Variants in C16orf92 observed in about 807,000 individuals in gnomAD.
The protein encoded by C16orf92 is fertilization-influencing membrane protein.
C16orf92 carries 14 observed loss-of-function variants against 13.7 expected under a neutral mutation model. That is an observed-to-expected ratio of 1.02 (90% CI 0.67 to 1.60). The LOEUF (loss-of-function observed/expected upper bound fraction) is 1.60, where lower values mean the gene tolerates loss of function less well. Among genes scored for constraint, C16orf92 ranks in the 40% most tolerant of loss-of-function variants. The pLI, the probability that C16orf92 is intolerant of heterozygous loss-of-function variation, is 0.00. For missense variants in C16orf92, 116 were observed against 139.0 expected, an observed-to-expected ratio of 0.83 and a Z score of 0.83; for synonymous variants, 50 against 57.4, an observed-to-expected ratio of 0.87 and a Z score of 0.58.
chr16:30,023,247 C>T lies in C16orf92; in HGVS notation c.-94C>T. ...TGAGAGTGAGGGATGGGGGAGGGGT[C>T]CCAGCTCCTAGCACTTTCTCCCCTC... On this transcript the variant is annotated 5_prime_UTR_variant, in exon 1 of 4. Coordinates refer to ENST00000681219, the MANE Select transcript of C16orf92 (RefSeq NM_001109659.2). 2 of 1,144,026 alleles carry T rather than the reference C, an allele frequency of 1.7e-6. No homozygotes were observed. Among genetic ancestry groups the T allele is most frequent in the Non-Finnish European group, 2.6e-6 (2 of 783,596 alleles). The allele number at this position is 1,144,026 out of a possible 1,614,324, so 70.9% of individuals were successfully genotyped here. A position where few individuals can be genotyped will look rare whatever the true frequency, so the allele number is the denominator to read the frequency against.
downstream of C16orf92, chr16:30,024,984 G>A (rs570711177): frequency 3.9e-6 from 2 of 511,644 alleles, no homozygotes; most frequent in Non-Finnish European, 6.8e-6. Flanking sequence ...GTGCAGGAAG[G>A]GGGCAGAGTA....
downstream of C16orf92, chr16:30,027,665 T>C (rs1207804838): frequency 6.6e-6 from 3 of 456,066 alleles, no homozygotes; most frequent in South Asian, 1.5e-5. Context: ...GAAAGTTCCA[T>C]GTACTTGGAG....
downstream of C16orf92, chr16:30,025,670 C>T (rs2071094480): frequency 1.3e-6 from 2 of 1,560,190 alleles, no homozygotes; most frequent in African/African-American, 1.4e-5. The surrounding 1 kb of genome is among the most constrained non-coding windows in gnomAD (Gnocchi z 4.1). Flanking sequence ...CTTGAAGGTC[C>T]CTCCCCTTCC....
Position 30,024,106 on chromosome 16 carries a change from T to C in C16orf92, c.311+20T>C, listed in dbSNP as rs1427932697. The C allele has an allele frequency of 2.5e-6, 4 of 1,610,248 alleles. No homozygotes were observed. Among genetic ancestry groups the C allele is most frequent in the East Asian group, 2.2e-5 (1 of 44,854 alleles). On this transcript the variant is annotated intron_variant, in intron 3 of 3. Coordinates refer to ENST00000681219, the MANE Select transcript of C16orf92 (RefSeq NM_001109659.2). ...CCACATGTAAGGCCTGCCCCCTTTC[T>C]CCAACCCCACCCACCACCACCTTCC...
chr16:30,025,176 C>T (rs1461839600), downstream of C16orf92: 8 of 1,444,298 alleles, frequency 5.5e-6, no homozygotes, highest in African/African-American at 4.3e-5. This position sits in a 1 kb window ranked among gnomAD's most constrained non-coding sequence, Gnocchi z 4.1. Flanking sequence ...GGTCCCGGCC[C>T]CCGGCCTCAG....
intron 1 of C16orf92, 77 bp downstream of exon 1, chr16:30,023,481 G>C: frequency 6.8e-7 from 1 of 1,475,240 alleles, no homozygotes; most frequent in Non-Finnish European, 9.4e-7. Context: ...TTAGGGACTC[G>C]GAAGCCAACC....
In C16orf92 at chr16:30,023,790, G is replaced by C. The variant is rs375771294; in HGVS notation, c.128G>C (p.Arg43Thr). 2.5e-6 allele frequency: 4 copies of C among 1,614,140 alleles called. No individual in the cohort carries two copies. Among genetic ancestry groups the C allele is most frequent in the Non-Finnish European group, 3.4e-6 (4 of 1,180,022 alleles). Residue 43 changes from arginine to threonine, a missense_variant, in exon 2 of 4, where the codon AGA becomes ACA. Physicochemically the swap from Arg to Thr is moderately conservative, Grantham distance 71. Transcript: ENST00000681219. Reference protein sequence around the residue: ...LGTESPRFLDRPDFFDYPDSD... With the variant: ...LGTESPRFLDTPDFFDYPDSD... ...ACAGAGTCTCCGCGCTTCTTAGACAGACCTGACTTCTTCGATTATCCGGAC... is the reference window on the plus strand; with the variant it reads ...ACAGAGTCTCCGCGCTTCTTAGACACACCTGACTTCTTCGATTATCCGGAC...
downstream of C16orf92, chr16:30,026,955 T>A: frequency 1.1e-6 from 1 of 880,344 alleles, no homozygotes; most frequent in Non-Finnish European, 1.8e-6. Context: ...GAGTCTTGGG[T>A]ACAGATGAGG....
chr16:30,024,294 A>G lies in C16orf92; in HGVS notation c.*67A>G, dbSNP rs1440418830. The G allele has an allele frequency of 3.8e-6, 6 of 1,559,612 alleles. No individual in the cohort carries two copies. The highest frequency in any genetic ancestry group is 1.4e-5 in the African/African-American group (1 of 73,360). On this transcript the variant is annotated 3_prime_UTR_variant, in exon 4 of 4. Coordinates refer to ENST00000681219, the MANE Select transcript of C16orf92 (RefSeq NM_001109659.2). The stretch of plus-strand genomic sequence containing the variant: ...CCCACCTCCTCTCCTGTTGATGAGC[A>G]AAAGTTCCCTGCTTTCCTCCTCCCT...
downstream of C16orf92, chr16:30,025,432 G>T (rs757482162): frequency 6.2e-7 from 1 of 1,612,452 alleles, no homozygotes; most frequent in Non-Finnish European, 8.5e-7. This position sits in a 1 kb window ranked among gnomAD's most constrained non-coding sequence, Gnocchi z 4.1. Context: ...TCAGGGCCCC[G>T]TTCACCTTGT....
At chr16:30,027,184 G>A (rs1241054188), downstream of C16orf92, 1 of 475,636 alleles carries the variant, frequency 2.1e-6, no homozygotes, top group African/African-American at 2.0e-5. Flanking sequence ...GTGGGACCTT[G>A]CCATGGTTAT....
chr16:30,023,224 A>T lies in C16orf92; in HGVS notation c.-117A>T. On this transcript the variant is annotated 5_prime_UTR_variant, in exon 1 of 4. The change creates a premature stop within an existing upstream ORF in the 5' untranslated region. Transcript: ENST00000681219. ...TCTCTTCTCCTCTCCTCTTCTGATG[A>T]GAGTGAGGGATGGGGGAGGGGTCCC... 1 of 840,474 alleles carries T rather than the reference A, an allele frequency of 1.2e-6. No homozygotes were observed. The highest frequency in any genetic ancestry group is 1.9e-6 in the Non-Finnish European group (1 of 519,096). The allele number at this position is 840,474 out of a possible 1,614,324, so 52.1% of individuals were successfully genotyped here.
In C16orf92 at chr16:30,024,105, C is replaced by T; in HGVS notation, c.311+19C>T. The T allele has an allele frequency of 1.2e-6, 2 of 1,610,312 alleles. No individual in the cohort carries two copies. Among genetic ancestry groups the T allele is most frequent in the Non-Finnish European group, 1.7e-6 (2 of 1,176,576 alleles). The stretch of plus-strand genomic sequence containing the variant: ...CCCACATGTAAGGCCTGCCCCCTTT[C>T]TCCAACCCCACCCACCACCACCTTC... On this transcript the variant is annotated intron_variant, in intron 3 of 3. Transcript: ENST00000681219.
At chr16:30,025,619 GA>G (rs772701873), downstream of C16orf92, 12 of 1,467,666 alleles carry the variant, frequency 8.2e-6, no homozygotes, top group Non-Finnish European at 9.5e-6. This position sits in a 1 kb window ranked among gnomAD's most constrained non-coding sequence, Gnocchi z 4.1. Context: ...TGCACGGGGT[GA>G]GGGGGGGATG....
chr16:30,026,576 C>G (rs780668926), downstream of C16orf92: 84 of 1,586,848 alleles, frequency 5.3e-5, no homozygotes, highest in Non-Finnish European at 7.1e-5. Flanking sequence ...GCAGGCCACC[C>G]GCACCCCGCC....
At chr16:30,027,226 G>C (rs548009865), downstream of C16orf92, 3 of 458,722 alleles carry the variant, frequency 6.5e-6, no homozygotes, top group Non-Finnish European at 1.3e-5. Context: ...GTTAGGACCA[G>C]CAACAGCTGA....
At chr16:30,025,884 C>G (rs1232873950), downstream of C16orf92, 1 of 1,296,780 alleles carries the variant, frequency 7.7e-7, no homozygotes, top group Non-Finnish European at 1.1e-6. The surrounding 1 kb of genome is among the most constrained non-coding windows in gnomAD (Gnocchi z 4.1). Context: ...GCAGCCCCCG[C>G]CCTTCCTCTT....
At position 30,024,377 on chromosome 16, in the gene C16orf92, C is replaced by T. The variant is rs1283374557; in HGVS notation, c.*150C>T. The T allele has an allele frequency of 1.5e-5, 16 of 1,060,692 alleles. No individual in the cohort carries two copies. The highest frequency in any genetic ancestry group is 8.0e-6 in the Non-Finnish European group (6 of 746,930). The allele number at this position is 1,060,692 out of a possible 1,614,324, so 65.7% of individuals were successfully genotyped here. A position where few individuals can be genotyped will look rare whatever the true frequency, so the allele number is the denominator to read the frequency against. Reference sequence around the variant, plus strand: ...CCTCTGTTTCCCATGGCCCAAGCCCCCCACCTCCTCCCTTCCCAGCCCCAA... The same window carrying T: ...CCTCTGTTTCCCATGGCCCAAGCCCTCCACCTCCTCCCTTCCCAGCCCCAA... On this transcript the variant is annotated 3_prime_UTR_variant, in exon 4 of 4. Coordinates refer to ENST00000681219, the MANE Select transcript of C16orf92 (RefSeq NM_001109659.2).
At chr16:30,026,030 G>C (rs928329161), downstream of C16orf92, among the ~76,000 whole-genome samples, 4 of 152,072 alleles carry the variant, frequency 2.6e-5, no homozygotes, top group Admixed American at 6.5e-5. Context: ...TCAGGAGTTT[G>C]AGACCAGCCT....
Sources: gnomAD v4.1 joint callset for allele counts (sites outside exome capture counted in the v4.1 genomes callset) on GRCh38, gnomAD v4.1.1 for gene constraint, Gnocchi (gnomAD v3.1) non-coding constraint, MANE v1.5 for transcripts, NCBI Gene and HGNC (gene_info 2026-07-23, HGNC 2026-07-21) for gene names.